The following CPE variants were observed in gnomAD, a reference collection of about 807,000 sequenced individuals.
The protein encoded by CPE is carbocypeptidase E.
Under a neutral mutation model 53.5 loss-of-function variants are expected in CPE, and 17 were observed. That is an observed-to-expected ratio of 0.32 (90% CI 0.22 to 0.48). CPE has a LOEUF of 0.48. CPE is among the 20% of genes least tolerant of loss of function. CPE has a pLI of 0.99. For synonymous variants in CPE, 226 were observed against 228.8 expected (o/e 0.99, Z 0.11); for missense variants, 524 against 614.7 (o/e 0.85, Z 1.56).
At chr4:165,411,702 C>T (rs772522950) in intron 1 of CPE, among the ~76,000 whole-genome samples, 3 of 152,094 alleles carry the variant, frequency 2.0e-5, no homozygotes, top group Non-Finnish European at 4.4e-5. Context: ...GGGCACATGG[C>T]AAACAGATCT....
At chr4:165,481,557 C>G (rs183299478) in intron 3 of CPE, among the ~76,000 whole-genome samples, 3 of 152,192 alleles carry the variant, frequency 2.0e-5, no homozygotes, top group Non-Finnish European at 4.4e-5. Context: ...CACATTATTT[C>G]TTTGGTATAC....
chr4:165,431,076 T>C (rs1003693241), intron 1 of CPE, among the ~76,000 whole-genome samples: 3 of 152,222 alleles, frequency 2.0e-5, no homozygotes, highest in African/African-American at 7.2e-5. Context: ...GACTTTCCAA[T>C]GTGTCCTCTG....
intron 5 of CPE, among the ~76,000 whole-genome samples, chr4:165,486,802 CT>C (rs1190244888): frequency 2.0e-5 from 3 of 152,150 alleles, no homozygotes; most frequent in Non-Finnish European, 2.9e-5. Flanking sequence ...AAACTCTGTG[CT>C]TATCAATATC....
intron 2 of CPE, among the ~76,000 whole-genome samples, chr4:165,466,185 G>A (rs1732100542): frequency 6.6e-6 from 1 of 152,136 alleles, no homozygotes; most frequent in African/African-American, 2.4e-5. Flanking sequence ...ATAGCCCATG[G>A]TTCCTAGGCT....
At chr4:165,461,154 G>A in intron 1 of CPE, among the ~76,000 whole-genome samples, 2 of 33,336 alleles carry the variant, frequency 6.0e-5, no homozygotes, top group South Asian at 8.4e-4. Flanking sequence ...GTGACAGAGT[G>A]AGCCTCTGCC....
At chr4:165,397,645 A>G (rs17686863) in intron 1 of CPE, among the ~76,000 whole-genome samples, 32,151 of 152,090 alleles carry the variant, frequency 0.21, 3,939 homozygotes, top group East Asian at 0.4. Flanking sequence ...ACGTATTTCC[A>G]AATATTATTT....
At chr4:165,423,945 C>T (rs1016019018) in intron 1 of CPE, among the ~76,000 whole-genome samples, 3 of 151,918 alleles carry the variant, frequency 2.0e-5, no homozygotes, top group African/African-American at 7.3e-5. Flanking sequence ...TTTCCAATTT[C>T]ATCCATGTCC....
intron 1 of CPE, among the ~76,000 whole-genome samples, chr4:165,416,279 ACT>A (rs1438068926): frequency 6.6e-6 from 1 of 151,990 alleles, no homozygotes; most frequent in African/African-American, 2.4e-5. Flanking sequence ...TCTGGCCCTG[ACT>A]CTGCCTACCC....
chr4:165,430,156 G>C (rs1731384925), intron 1 of CPE, among the ~76,000 whole-genome samples: 1 of 152,162 alleles, frequency 6.6e-6, no homozygotes, highest in Non-Finnish European at 1.5e-5. Context: ...ATATAGCCTA[G>C]AGGCAGTTTT....
chr4:165,381,219 G>A, intron 1 of CPE: 2 of 453,582 alleles, frequency 4.4e-6, no homozygotes, highest in South Asian at 3.1e-5. Context: ...TGAAAACAAT[G>A]ATTTCTTTGC....
intron 3 of CPE, among the ~76,000 whole-genome samples, chr4:165,470,566 A>C (rs946826669): frequency 6.6e-6 from 1 of 152,108 alleles, no homozygotes; most frequent in African/African-American, 2.4e-5. Context: ...CTGTCTGTTG[A>C]GGGACTGCCT....
chr4:165,380,944 G>A (rs1286245187), intron 1 of CPE, among the ~76,000 whole-genome samples: 2 of 152,174 alleles, frequency 1.3e-5, no homozygotes, highest in Non-Finnish European at 2.9e-5. Context: ...AATTTAAAAT[G>A]TGATAACTGA....
At chr4:165,452,527 C>G (rs13147995) in intron 1 of CPE, among the ~76,000 whole-genome samples, 49,955 of 151,790 alleles carry the variant, frequency 0.33, 8,607 homozygotes, top group Middle Eastern at 0.43. Context: ...TTATAAATGT[C>G]TAGAATAAGG....
chr4:165,448,267 A>G (rs1189223495), intron 1 of CPE, among the ~76,000 whole-genome samples: 1 of 152,214 alleles, frequency 6.6e-6, no homozygotes, highest in African/African-American at 2.4e-5. Flanking sequence ...TACTTTTCAT[A>G]TTAATTATAA....
chr4:165,412,320 T>C (rs1731054634), intron 1 of CPE, among the ~76,000 whole-genome samples: 1 of 152,216 alleles, frequency 6.6e-6, no homozygotes, highest in African/African-American at 2.4e-5. Flanking sequence ...AAATATCTTT[T>C]TTAAGTTATG....
chr4:165,490,899 G>A (rs181072240), intron 6 of CPE, among the ~76,000 whole-genome samples: 119 of 152,312 alleles, frequency 7.8e-4, no homozygotes, highest in South Asian at 1.4e-3. Context: ...AATCTGGGGA[G>A]CAATCATTGC....
intron 1 of CPE, among the ~76,000 whole-genome samples, chr4:165,442,884 A>G (rs1177385775): frequency 6.6e-6 from 1 of 152,228 alleles, no homozygotes; most frequent in Non-Finnish European, 1.5e-5. Context: ...ACCTTGAGGA[A>G]GAACAGTGAA....
intron 1 of CPE, among the ~76,000 whole-genome samples, chr4:165,387,291 A>G (rs1329857159): frequency 6.6e-6 from 1 of 152,176 alleles, no homozygotes; most frequent in Non-Finnish European, 1.5e-5. Flanking sequence ...AAGATAAATG[A>G]ATTACTTATG....
chr4:165,437,658 A>G lies in CPE; in HGVS notation c.308-26732A>G, dbSNP rs985277415. Among the ~76,000 whole-genome samples, 4 of 152,188 alleles carry G rather than the reference A, an allele frequency of 2.6e-5. No individual in the cohort carries two copies. The South Asian group carries it at 8.3e-4, about 32-fold the overall frequency. On this transcript the variant is annotated intron_variant, in intron 1 of 8. Coordinates refer to ENST00000402744, the MANE Select transcript of CPE (RefSeq NM_001873.4). ...TAAATATGCAAATTCAGGACAATAT[A>G]ATATTTGCTATGATATCCTCATGCA...
Sources: gnomAD v4.1 joint callset for allele counts (sites outside exome capture counted in the v4.1 genomes callset) on GRCh38, gnomAD v4.1.1 for gene constraint, MANE v1.5 for transcripts, NCBI Gene and HGNC (gene_info 2026-07-23, HGNC 2026-07-21) for gene names.